The following CTNND2 variants were observed in gnomAD, a reference collection of about 807,000 sequenced individuals.
CTNND2 encodes catenin delta-2.
A neutral mutation model predicts 144.4 loss-of-function variants in CTNND2; 22 were observed. The ratio of observed to expected loss-of-function variants is 0.15; its 90% CI spans 0.11 to 0.22. The LOEUF is 0.22. Ranked by LOEUF, CTNND2 falls within the 10% of genes least tolerant of loss-of-function variation. The pLI, the probability that CTNND2 is intolerant of heterozygous loss-of-function variation, is 1.00. For synonymous variants in CTNND2, 751 were observed against 695.6 expected, an observed-to-expected ratio of 1.08 and a Z score of -1.25; for missense variants, 1,353 against 1,618.8, an observed-to-expected ratio of 0.84 and a Z score of 2.82.
chr5:11,724,054 C>CAA (rs34050641), intron 2 of CTNND2, among the ~76,000 whole-genome samples: 4 of 138,622 alleles, frequency 2.9e-5, no homozygotes, highest in African/African-American at 5.1e-5. Flanking sequence ...GGCTTCATTT[C>CAA]AAAAAAAAAA....
chr5:11,277,911 A>G (rs1011748079), intron 9 of CTNND2, among the ~76,000 whole-genome samples: 2 of 151,970 alleles, frequency 1.3e-5, no homozygotes, highest in African/African-American at 2.4e-5. Flanking sequence ...CAACCACCCC[A>G]TAGCTCCGGT....
At chr5:11,198,591 A>G (rs772147597) in intron 11 of CTNND2, among the ~76,000 whole-genome samples, 1 of 152,258 alleles carries the variant, frequency 6.6e-6, no homozygotes, top group Non-Finnish European at 1.5e-5. Context: ...TGATTAAAAG[A>G]TCTTTTTAGA....
chr5:11,555,692 T>C (rs1776173125), intron 3 of CTNND2, among the ~76,000 whole-genome samples: 1 of 135,802 alleles, frequency 7.4e-6, no homozygotes, highest in South Asian at 2.6e-4. Context: ...GCAAACTACA[T>C]GAGGTTAGAA....
chr5:11,056,662 A>G (rs1322755846), intron 16 of CTNND2, among the ~76,000 whole-genome samples: 2 of 152,194 alleles, frequency 1.3e-5, no homozygotes, highest in Admixed American at 6.5e-5. Flanking sequence ...CAATCTTAAT[A>G]GCACTTGACT....
intron 1 of CTNND2, among the ~76,000 whole-genome samples, chr5:11,735,161 G>A (rs1303753583): frequency 6.6e-6 from 1 of 152,198 alleles, no homozygotes; most frequent in Admixed American, 6.5e-5. Flanking sequence ...AGTATTGAAG[G>A]TGATGAATAC....
intron 11 of CTNND2, among the ~76,000 whole-genome samples, chr5:11,161,462 T>C (rs897557638): frequency 6.6e-6 from 1 of 152,204 alleles, no homozygotes; most frequent in East Asian, 1.9e-4. Context: ...AACATATGCA[T>C]CTATCTTGTT....
chr5:11,533,183 T>C (rs932663610), intron 3 of CTNND2, among the ~76,000 whole-genome samples: 1 of 152,240 alleles, frequency 6.6e-6, no homozygotes, highest in African/African-American at 2.4e-5. Context: ...TTCAAAAATA[T>C]TGAATTTCTG....
At chr5:11,241,465 G>T (rs1438505118) in intron 9 of CTNND2, among the ~76,000 whole-genome samples, 2 of 152,188 alleles carry the variant, frequency 1.3e-5, no homozygotes, top group Non-Finnish European at 2.9e-5. Context: ...AAATTGGGTT[G>T]GAGTTGATTG....
intron 9 of CTNND2, among the ~76,000 whole-genome samples, chr5:11,269,781 C>T (rs185350211): frequency 6.6e-6 from 1 of 151,912 alleles, no homozygotes; most frequent in African/African-American, 2.4e-5. Context: ...GAGTAAAATC[C>T]CTCCCCCCTC....
At chr5:11,110,049 C>G (rs2149683376) in intron 14 of CTNND2, among the ~76,000 whole-genome samples, 1 of 152,218 alleles carries the variant, frequency 6.6e-6, no homozygotes, top group Middle Eastern at 3.4e-3. Context: ...CTGAAGTTAA[C>G]CGCTGTTCCA....
chr5:11,735,940 T>G (rs2126751858), intron 1 of CTNND2, among the ~76,000 whole-genome samples: 1 of 152,320 alleles, frequency 6.6e-6, no homozygotes. Context: ...TATTTTAAAT[T>G]ACCATTTTAA....
chr5:10,981,811 A>C lies in CTNND2; in HGVS notation c.3379T>G (p.Ser1127Ala), dbSNP rs1041822358. 1.2e-6 allele frequency: 2 copies of C among 1,614,000 alleles called. No individual in the cohort carries two copies. The highest frequency in any genetic ancestry group is 2.7e-5 in the African/African-American group (2 of 74,940). ...NTGISTLYRNSYGAPAEDIKH... is the reference protein window; with the variant it reads ...NTGISTLYRNAYGAPAEDIKH... ...ATGTCTTCAGCGGGCGCACCATAAG[A>C]ATTCCTATACAAAGTTGAAATTCCA... The change falls in exon 21 of 22, where the codon TCT becomes GCT. Residue 1127 changes from serine (S) to alanine (A), a missense_variant. Ser to Ala is a moderately conservative substitution (Grantham distance 99). Transcript: ENST00000304623.
At chr5:11,663,891 G>C (rs917891226) in intron 2 of CTNND2, among the ~76,000 whole-genome samples, 2 of 152,102 alleles carry the variant, frequency 1.3e-5, no homozygotes, top group Non-Finnish European at 2.9e-5. Context: ...ATATTAGTTT[G>C]TGAAATTAAA....
chr5:11,073,774 A>G (rs1242844165), intron 16 of CTNND2, among the ~76,000 whole-genome samples: 1 of 152,250 alleles, frequency 6.6e-6, no homozygotes, highest in African/African-American at 2.4e-5. Context: ...ACAAAGTTCC[A>G]GCCAAGGTAC....
chr5:11,544,075 G>A (rs569262569), intron 3 of CTNND2, among the ~76,000 whole-genome samples: 1 of 152,190 alleles, frequency 6.6e-6, no homozygotes, highest in Admixed American at 6.5e-5. Context: ...ATTATCAGAT[G>A]CAGAAAAAAT....
At chr5:11,474,772 C>T (rs1561447436) in intron 3 of CTNND2, among the ~76,000 whole-genome samples, 1 of 152,158 alleles carries the variant, frequency 6.6e-6, no homozygotes, top group Non-Finnish European at 1.5e-5. Flanking sequence ...TCAAACTGAG[C>T]CCCTTAGATT....
At chr5:11,610,594 T>C (rs893933549) in intron 2 of CTNND2, among the ~76,000 whole-genome samples, 1 of 152,224 alleles carries the variant, frequency 6.6e-6, no homozygotes, top group Non-Finnish European at 1.5e-5. Context: ...CCTGCCTATC[T>C]TTGGGTTCTA....
rs114937789 is a variant in CTNND2, at chr5:11,778,117, G to C, written c.38-45845C>G. 5.9e-3 allele frequency among the ~76,000 whole-genome samples: 905 copies of C among 152,170 alleles called. 6 individuals carry two copies. The highest frequency in any genetic ancestry group is 0.017 in the African/African-American group (705 of 41,516). On this transcript the variant is annotated intron_variant, in intron 1 of 21. Transcript: ENST00000304623. ...AGTTTAAGTTGTTAAGGATGGAAGAGACATCCTTAACAACTAACATCAAAT... is the reference window on the plus strand; with the variant it reads ...AGTTTAAGTTGTTAAGGATGGAAGACACATCCTTAACAACTAACATCAAAT...
intron 9 of CTNND2, among the ~76,000 whole-genome samples, chr5:11,320,364 T>C (rs1033969141): frequency 5.9e-5 from 9 of 152,200 alleles, no homozygotes; most frequent in Non-Finnish European, 1.3e-4. Context: ...TAAACACTGG[T>C]GTCCTCAGAC....
Sources: allele counts gnomAD v4.1 joint callset (sites outside exome capture counted in the v4.1 genomes callset), GRCh38; gene constraint gnomAD v4.1.1; transcripts MANE v1.5; gene names NCBI Gene and HGNC (gene_info 2026-07-23, HGNC 2026-07-21).